Variants in GPR89B observed in about 807,000 individuals in gnomAD.
GPR89B encodes golgi pH regulator B, also known as G protein-coupled receptor 89B.
GPR89B carries 25 observed loss-of-function variants against 52.4 expected under a neutral mutation model. That is an observed-to-expected ratio of 0.48 (90% confidence interval 0.35 to 0.67). The LOEUF (loss-of-function observed/expected upper bound fraction) is 0.67. GPR89B is among the 30% of genes least tolerant of loss of function. GPR89B has a pLI of 0.01. For missense variants in GPR89B, 146 were observed against 450.2 expected (o/e 0.32, Z 6.11); for synonymous variants, 52 against 151.2 (o/e 0.34, Z 4.81).
the GPR89B span, among the ~76,000 whole-genome samples, chr1:148,025,559 A>C: frequency 1.4e-5 from 2 of 140,368 alleles, no homozygotes; most frequent in Non-Finnish European, 3.1e-5. Context: ...AAAGAATCTT[A>C]GGCTCGTCCC....
chr1:147,952,436 G>A (rs1655790956), intron 5 of GPR89B, among the ~76,000 whole-genome samples: 1 of 151,620 alleles, frequency 6.6e-6, no homozygotes, highest in Admixed American at 6.6e-5. Context: ...AGGTTGCACT[G>A]ACCTCTAAAA....
At chr1:147,999,511 A>C in the GPR89B span, among the ~76,000 whole-genome samples, 1 of 147,206 alleles carries the variant, frequency 6.8e-6, no homozygotes, top group African/African-American at 2.6e-5. Flanking sequence ...AGGCAGGGGA[A>C]TCGCTTGAAC....
chr1:147,986,065 A>G lies in GPR89B; in HGVS notation c.910-134A>G, dbSNP rs1658644667. On this transcript the variant is annotated intron_variant, in intron 10 of 13. Coordinates refer to ENST00000314163, the MANE Select transcript of GPR89B (RefSeq NM_016334.5). ...AGATTTCCTATATATGATTTGGATT[A>G]AGAGTAGAATTGCATTTTTAGGAAC... 5.8e-6 allele frequency: 9 copies of G among 1,562,528 alleles called. No homozygotes were observed. In the South Asian group the frequency reaches 1.1e-4, roughly 18 times the overall value.
At chr1:147,970,373 T>G (rs1657325957) in intron 10 of GPR89B, among the ~76,000 whole-genome samples, 1 of 151,970 alleles carries the variant, frequency 6.6e-6, no homozygotes, top group African/African-American at 2.4e-5. Context: ...GTGGGCTGCC[T>G]GTAATCCCAG....
At chr1:147,996,626 T>C, downstream of GPR89B, 2 of 1,611,754 alleles carry the variant, frequency 1.2e-6, no homozygotes, top group Non-Finnish European at 1.7e-6. Context: ...ATGATCTTCT[T>C]CCTCTGTAGT....
At chr1:148,014,378 G>A in the GPR89B span, 1 of 151,572 alleles carries the variant, frequency 6.6e-6, no homozygotes, top group Non-Finnish European at 1.5e-5. Context: ...GGTCCCTGGC[G>A]GCGATATCCA....
intron 1 of GPR89B, among the ~76,000 whole-genome samples, chr1:147,932,721 C>T (rs1441247991): frequency 6.6e-6 from 1 of 152,160 alleles, no homozygotes; most frequent in African/African-American, 2.4e-5. Flanking sequence ...TACCTCCTTT[C>T]CTCCCATTTC....
intron 2 of GPR89B, among the ~76,000 whole-genome samples, chr1:147,937,183 G>A (rs1286775256): frequency 6.6e-6 from 1 of 151,398 alleles, no homozygotes; most frequent in East Asian, 1.9e-4. Flanking sequence ...TGGGCCTCCA[G>A]GAGTGCCATC....
In GPR89B at chr1:147,964,600, A is replaced by G. The variant is rs1173477325; in HGVS notation, c.618-1954A>G. Among the ~76,000 whole-genome samples the G allele has an allele frequency of 2.4e-4, 37 of 152,122 alleles. 1 individual carries two copies. The South Asian group carries it at 5.2e-3, about 21-fold the overall frequency. On this transcript the variant is annotated intron_variant, in intron 7 of 13. Coordinates refer to ENST00000314163, the MANE Select transcript of GPR89B (RefSeq NM_016334.5). ...TTAATATTGTTACCTTCTTAAATATATAATCATTTCTTTTTCATCTACAAC... is the reference window on the plus strand; with the variant it reads ...TTAATATTGTTACCTTCTTAAATATGTAATCATTTCTTTTTCATCTACAAC...
At chr1:147,994,163 C>G (rs1409382871), downstream of GPR89B, 1 of 1,327,284 alleles carries the variant, frequency 7.5e-7, no homozygotes, top group African/African-American at 1.5e-5. Context: ...GACAATCACA[C>G]ATGGTGAATG....
chr1:147,984,708 T>TG, intron 10 of GPR89B, among the ~76,000 whole-genome samples: 1 of 149,764 alleles, frequency 6.7e-6, no homozygotes, highest in African/African-American at 2.5e-5. Context: ...TTTAATGAAT[T>TG]GTATTTCTCA....
intron 10 of GPR89B, among the ~76,000 whole-genome samples, chr1:147,982,082 T>C (rs2149089097): frequency 6.7e-6 from 1 of 149,056 alleles, no homozygotes; most frequent in East Asian, 2.0e-4. Context: ...TTTACTGAGG[T>C]GGAGTCTCGC....
chr1:147,930,823 C>T (rs1653526505), intron 1 of GPR89B, among the ~76,000 whole-genome samples: 1 of 152,132 alleles, frequency 6.6e-6, no homozygotes, highest in African/African-American at 2.4e-5. Context: ...ACTTCCTGAA[C>T]TTCTTTTAGT....
chr1:148,012,593 A>G, the GPR89B span, among the ~76,000 whole-genome samples: 286 of 151,456 alleles, frequency 1.9e-3, 4 homozygotes, highest in South Asian at 0.028. Context: ...AGGACAGCAG[A>G]ACACTGACAT....
chr1:148,008,974 AT>A, the GPR89B span, among the ~76,000 whole-genome samples: 1 of 152,070 alleles, frequency 6.6e-6, no homozygotes, highest in South Asian at 2.1e-4. Flanking sequence ...GAAGAATCTC[AT>A]TTTTCTTGCC....
intron 12 of GPR89B, among the ~76,000 whole-genome samples, chr1:147,991,292 T>G (rs1482594127): frequency 1.3e-5 from 2 of 152,086 alleles, no homozygotes; most frequent in Non-Finnish European, 2.9e-5. Context: ...TTTTGCACAT[T>G]GATTTTGTAT....
intron 3 of GPR89B, among the ~76,000 whole-genome samples, chr1:147,942,431 A>G (rs1438710754): frequency 1.3e-5 from 2 of 151,744 alleles, no homozygotes; most frequent in Non-Finnish European, 2.9e-5. Flanking sequence ...ATATAGATTT[A>G]TCATATGACC....
intron 3 of GPR89B, among the ~76,000 whole-genome samples, chr1:147,939,574 CCTGG>C (rs1654373328): frequency 6.6e-6 from 1 of 152,002 alleles, no homozygotes; most frequent in Non-Finnish European, 1.5e-5. Context: ...ATTATAGACC[CCTGG>C]CACTTGAGAC....
At chr1:147,996,318 GAAAC>G (rs1197793510), downstream of GPR89B, among the ~76,000 whole-genome samples, 2 of 148,216 alleles carry the variant, frequency 1.3e-5, no homozygotes, top group Admixed American at 6.8e-5. Flanking sequence ...AGATGTTTGG[GAAAC>G]AAACAAACGT....
Sources: allele counts gnomAD v4.1 joint callset (sites outside exome capture counted in the v4.1 genomes callset), GRCh38; gene constraint gnomAD v4.1.1; transcripts MANE v1.5; gene names NCBI Gene and HGNC (gene_info 2026-07-23, HGNC 2026-07-21).